ATF7IP: variants seen among roughly 807,000 people sequenced by gnomAD.
ATF7IP encodes activating transcription factor 7-interacting protein 1.
Under a neutral mutation model 106.4 loss-of-function variants are expected in ATF7IP, and 23 were observed. The observed-to-expected ratio is 0.22, with a 90% confidence interval of 0.16 to 0.31. The LOEUF is 0.31. Ranked by LOEUF, ATF7IP falls within the 10% of genes least tolerant of loss-of-function variation. The probability of loss-of-function intolerance (pLI) is 1.00; values close to 1 mark genes in which losing one functional copy is unlikely to be tolerated. For synonymous variants in ATF7IP, 542 were observed against 539.0 expected, an observed-to-expected ratio of 1.01 and a Z score of -0.08; for missense variants, 1,334 against 1,524.3, an observed-to-expected ratio of 0.88 and a Z score of 2.08.
At chr12:14,455,971 C>T (rs1943409991) in intron 6 of ATF7IP, among the ~76,000 whole-genome samples, 1 of 152,074 alleles carries the variant, frequency 6.6e-6, no homozygotes, top group Non-Finnish European at 1.5e-5. Flanking sequence ...GTTATAATTC[C>T]ATTTCTGTAT....
chr12:14,368,082 T>C (rs940908053), intron 1 of ATF7IP, among the ~76,000 whole-genome samples: 6 of 152,040 alleles, frequency 3.9e-5, no homozygotes, highest in Admixed American at 2.0e-4. Flanking sequence ...TTCTTTAAAT[T>C]AGGTTTTGCA....
intron 9 of ATF7IP, among the ~76,000 whole-genome samples, chr12:14,463,983 T>C (rs1184556285): frequency 6.6e-6 from 1 of 152,180 alleles, no homozygotes; most frequent in East Asian, 1.9e-4. Context: ...ATGTACTCTC[T>C]CAGATTTCAT....
At chr12:14,474,958 A>C (rs540215266) in intron 10 of ATF7IP, among the ~76,000 whole-genome samples, 1 of 152,328 alleles carries the variant, frequency 6.6e-6, no homozygotes, top group Non-Finnish European at 1.5e-5. Flanking sequence ...TATTGTAGAA[A>C]GATTTATAAG....
intron 1 of ATF7IP, among the ~76,000 whole-genome samples, chr12:14,381,030 T>G (rs986041670): frequency 1.3e-5 from 2 of 152,254 alleles, no homozygotes; most frequent in African/African-American, 4.8e-5. Flanking sequence ...GGTATCTTTC[T>G]GCTTCTTAAA....
At chr12:14,439,959 A>T (rs1942617609) in intron 5 of ATF7IP, among the ~76,000 whole-genome samples, 7 of 152,308 alleles carry the variant, frequency 4.6e-5, no homozygotes, top group South Asian at 2.1e-4. Flanking sequence ...TTAAATTTGT[A>T]CTTAAATGTT....
intron 6 of ATF7IP, among the ~76,000 whole-genome samples, chr12:14,447,733 A>G (rs1457258423): frequency 2.6e-5 from 4 of 152,162 alleles, no homozygotes; most frequent in Non-Finnish European, 4.4e-5. Flanking sequence ...TTAGTATTCT[A>G]CTGCCTGTAG....
At chr12:14,441,353 T>A (rs1942685836) in intron 5 of ATF7IP, among the ~76,000 whole-genome samples, 1 of 152,234 alleles carries the variant, frequency 6.6e-6, no homozygotes, top group Non-Finnish European at 1.5e-5. Context: ...CAACTTTTCA[T>A]GTACTTGTTG....
At chr12:14,490,650 CTTA>C (rs1591971994) in intron 13 of ATF7IP, among the ~76,000 whole-genome samples, 2 of 152,134 alleles carry the variant, frequency 1.3e-5, no homozygotes, top group East Asian at 3.9e-4. Flanking sequence ...AGGACCTAGT[CTTA>C]ATCTTCCACT....
In ATF7IP at chr12:14,490,596, C is replaced by T. The variant is rs186026505; in HGVS notation, c.3281-5635C>T. Among the ~76,000 whole-genome samples the T allele has an allele frequency of 1.2e-3, 186 of 152,274 alleles. 2 individuals carry two copies. Among genetic ancestry groups the T allele is most frequent in the African/African-American group, 4.3e-3 (178 of 41,568 alleles). On this transcript the variant is annotated intron_variant, in intron 13 of 14. Transcript: ENST00000261168. Reference sequence around the variant, plus strand: ...GGGACTGTAGTGCTGCAGCTGTGTACTTGCCGGTGGTGCCTGCATATGGTG... The same window carrying T: ...GGGACTGTAGTGCTGCAGCTGTGTATTTGCCGGTGGTGCCTGCATATGGTG...
chr12:14,392,562 G>C (rs1939618709), intron 1 of ATF7IP, among the ~76,000 whole-genome samples: 1 of 152,182 alleles, frequency 6.6e-6, no homozygotes, highest in Non-Finnish European at 1.5e-5. Context: ...TTTGATGCTT[G>C]GCATATAAGA....
intron 1 of ATF7IP, among the ~76,000 whole-genome samples, chr12:14,372,460 CAAAAAAA>C (rs11431179): frequency 2.5e-5 from 3 of 121,388 alleles, no homozygotes; most frequent in African/African-American, 9.3e-5. Context: ...AGCCACTTTT[CAAAAAAA>C]AAAAAAAAAT....
At chr12:14,461,274 T>C in intron 9 of ATF7IP, 141 bp downstream of exon 9, 1 of 792,606 alleles carries the variant, frequency 1.3e-6, no homozygotes. Flanking sequence ...TAGTAATTTT[T>C]TAGATACCTG....
At chr12:14,418,137 G>GA (rs995031400) in intron 1 of ATF7IP, among the ~76,000 whole-genome samples, 1 of 150,466 alleles carries the variant, frequency 6.6e-6, no homozygotes, top group Non-Finnish European at 1.5e-5. Context: ...CCAAAAATTT[G>GA]AAAAAAAAAT....
At chr12:14,410,779 A>AGT (rs1183375635) in intron 1 of ATF7IP, among the ~76,000 whole-genome samples, 1 of 152,258 alleles carries the variant, frequency 6.6e-6, no homozygotes, top group South Asian at 2.1e-4. Flanking sequence ...GAAAAAACAT[A>AGT]GTATATATAA....
chr12:14,403,137 G>C (rs1462415530), intron 1 of ATF7IP, among the ~76,000 whole-genome samples: 1 of 151,990 alleles, frequency 6.6e-6, no homozygotes, highest in South Asian at 2.1e-4. Context: ...TGATTTTTAT[G>C]TTCTTAATTT....
intron 1 of ATF7IP, among the ~76,000 whole-genome samples, chr12:14,401,406 A>G (rs534902513): frequency 6.6e-6 from 1 of 152,298 alleles, no homozygotes; most frequent in East Asian, 1.9e-4. Context: ...CATGTTGGCC[A>G]GGCAGGTCTT....
intron 1 of ATF7IP, among the ~76,000 whole-genome samples, chr12:14,380,915 C>T (rs564039358): frequency 2.6e-5 from 4 of 152,310 alleles, no homozygotes; most frequent in East Asian, 1.9e-4. Flanking sequence ...CCACCGTGCC[C>T]GGCCAGGTAC....
intron 1 of ATF7IP, among the ~76,000 whole-genome samples, chr12:14,379,490 G>C (rs1938913092): frequency 6.6e-6 from 1 of 151,958 alleles, no homozygotes; most frequent in African/African-American, 2.4e-5. Flanking sequence ...TAGGACCCTT[G>C]TTTTCCAAAT....
chr12:14,398,745 T>C (rs1940007295), intron 1 of ATF7IP, among the ~76,000 whole-genome samples: 1 of 151,938 alleles, frequency 6.6e-6, no homozygotes, highest in South Asian at 2.1e-4. Context: ...ACATATCTCT[T>C]TTTTTTGTTC....
Sources: gnomAD v4.1 joint callset for allele counts (sites outside exome capture counted in the v4.1 genomes callset) on GRCh38, gnomAD v4.1.1 for gene constraint, MANE v1.5 for transcripts, NCBI Gene and HGNC (gene_info 2026-07-23, HGNC 2026-07-21) for gene names.